ANKS1B: variants seen among roughly 807,000 people sequenced by gnomAD.
The protein encoded by ANKS1B is ankyrin repeat and sterile alpha motif domain containing 1B, also known as ankyrin repeat and sterile alpha motif domain-containing protein 1B.
ANKS1B carries 36 observed loss-of-function variants against 148.3 expected under a neutral mutation model. The ratio of observed to expected loss-of-function variants is 0.24; its 90% CI spans 0.19 to 0.32. The LOEUF (loss-of-function observed/expected upper bound fraction) is 0.32. Among genes scored for constraint, ANKS1B ranks in the 10% least tolerant of loss-of-function variants. The probability of loss-of-function intolerance (pLI) is 1.00; values close to 1 mark genes in which losing one functional copy is unlikely to be tolerated. For synonymous variants in ANKS1B, 542 were observed against 560.8 expected (o/e 0.97, Z 0.47); for missense variants, 1,157 against 1,542.6 (o/e 0.75, Z 4.19).
chr12:99,025,066 G>A (rs1329782826), intron 17 of ANKS1B, among the ~76,000 whole-genome samples: 1 of 152,094 alleles, frequency 6.6e-6, no homozygotes, highest in East Asian at 1.9e-4. Context: ...ATGGCATGTG[G>A]TACCCCCCTC....
At chr12:99,983,754 G>T (rs1320474135) in intron 1 of ANKS1B, among the ~76,000 whole-genome samples, 1 of 152,154 alleles carries the variant, frequency 6.6e-6, no homozygotes, top group Non-Finnish European at 1.5e-5. Flanking sequence ...AGACAAAAAA[G>T]GCTGCGTTCA....
At position 99,314,124 on chromosome 12, in the gene ANKS1B, T is replaced by C. The variant is rs372336399; in HGVS notation, c.1757-67260A>G. Among the ~76,000 whole-genome samples, 110 of 151,854 alleles carry C rather than the reference T, an allele frequency of 7.2e-4. 2 individuals are homozygous for C. In the South Asian group the frequency reaches 0.021, roughly 29 times the overall value. On this transcript the variant is annotated intron_variant, in intron 12 of 26. Transcript: ENST00000683438. ...CACAAGCATTCCTATACACCAACAATAGACAAGCAGAGAGCCAAATAATGA... is the reference window on the plus strand; with the variant it reads ...CACAAGCATTCCTATACACCAACAACAGACAAGCAGAGAGCCAAATAATGA...
rs1180410909 is a variant in ANKS1B at position 99,724,388 on chromosome 12, G to A, written c.1128+48534C>T. 5.9e-5 allele frequency among the ~76,000 whole-genome samples: 9 copies of A among 152,274 alleles called. No individual in the cohort carries two copies. The East Asian group carries it at 1.3e-3, about 23-fold the overall frequency. The stretch of plus-strand genomic sequence containing the variant: ...AAGTATCAATAGCCGAATCAACCAA[G>A]AGGAAGAAAGTATATCTGAGTTTGA... On this transcript the variant is annotated intron_variant, in intron 8 of 26. Transcript: ENST00000683438.
At position 99,764,713 on chromosome 12, in the gene ANKS1B, G is replaced by A. The variant is rs557036250; in HGVS notation, c.1128+8209C>T. On this transcript the variant is annotated intron_variant, in intron 8 of 26. Coordinates refer to ENST00000683438, the MANE Select transcript of ANKS1B (RefSeq NM_001352186.2). ...GCTGAGATTACAGGCATGCACCACC[G>A]TGCCTGGCCAAGAATAATCCATTTT... 3.9e-5 allele frequency among the ~76,000 whole-genome samples: 6 copies of A among 152,246 alleles called. No individual in the cohort carries two copies. The South Asian group carries it at 8.3e-4, about 21-fold the overall frequency.
At chr12:99,453,181 TC>T (rs2095785889) in intron 10 of ANKS1B, among the ~76,000 whole-genome samples, 1 of 152,004 alleles carries the variant, frequency 6.6e-6, no homozygotes, top group Non-Finnish European at 1.5e-5. Context: ...TCCCAGCTAC[TC>T]CGGAGGCTGA....
chr12:99,802,787 C>T (rs1233794787), intron 4 of ANKS1B, among the ~76,000 whole-genome samples: 1 of 151,860 alleles, frequency 6.6e-6, no homozygotes, highest in Non-Finnish European at 1.5e-5. Flanking sequence ...TCAGCACATG[C>T]CTATAGTCCC....
Position 99,497,752 on chromosome 12 carries a change from C to T in ANKS1B, c.1438+6724G>A, listed in dbSNP as rs140115748. ...AGGTTAGGATTCCAACCTTTCTTTT[C>T]GGGGGCATAATATGGGGGGGACACA... On this transcript the variant is annotated intron_variant, in intron 10 of 26. Transcript: ENST00000683438. 2.1e-4 allele frequency among the ~76,000 whole-genome samples: 32 copies of T among 150,780 alleles called. No homozygotes were observed. The East Asian group carries it at 4.1e-3, about 19-fold the overall frequency.
intron 9 of ANKS1B, among the ~76,000 whole-genome samples, chr12:99,549,969 T>C (rs957447912): frequency 6.6e-6 from 1 of 152,196 alleles, no homozygotes; most frequent in East Asian, 1.9e-4. Flanking sequence ...CGCTCGGACC[T>C]ATAATTACTC....
intron 1 of ANKS1B, among the ~76,000 whole-genome samples, chr12:99,844,017 T>C (rs1176797685): frequency 6.6e-6 from 1 of 152,148 alleles, no homozygotes; most frequent in Non-Finnish European, 1.5e-5. Flanking sequence ...TTGAGCTTTT[T>C]AAAAGTTTCT....
intron 17 of ANKS1B, among the ~76,000 whole-genome samples, chr12:98,935,532 G>T (rs1205065332): frequency 6.6e-6 from 1 of 152,198 alleles, no homozygotes; most frequent in Admixed American, 6.5e-5. Context: ...GTTTTTGGAA[G>T]AGTTTGAGAA....
intron 24 of ANKS1B, among the ~76,000 whole-genome samples, chr12:98,778,860 C>T (rs1394348018): frequency 2.6e-5 from 4 of 152,358 alleles, no homozygotes; most frequent in Non-Finnish European, 4.4e-5. Flanking sequence ...AACTACTAGA[C>T]TATTGCCCTG....
chr12:99,763,142 G>A (rs1207344989), intron 8 of ANKS1B, among the ~76,000 whole-genome samples: 1 of 152,102 alleles, frequency 6.6e-6, no homozygotes, highest in African/African-American at 2.4e-5. Flanking sequence ...CCATTACTGG[G>A]TGTATGACCA....
chr12:99,322,641 C>G (rs554679343), intron 12 of ANKS1B, among the ~76,000 whole-genome samples: 16 of 152,140 alleles, frequency 1.1e-4, no homozygotes, highest in Admixed American at 3.3e-4. Flanking sequence ...TATGAGAACC[C>G]TATGATTCAG....
chr12:99,738,002 G>A (rs1195687487), intron 8 of ANKS1B, among the ~76,000 whole-genome samples: 5 of 152,064 alleles, frequency 3.3e-5, no homozygotes, highest in Non-Finnish European at 7.4e-5. Context: ...ACTGCTACAT[G>A]CCAGCAATTG....
chr12:99,351,667 C>T (rs1281325468), intron 12 of ANKS1B, among the ~76,000 whole-genome samples: 3 of 152,006 alleles, frequency 2.0e-5, no homozygotes, highest in African/African-American at 7.2e-5. Flanking sequence ...AAAGAGCAAT[C>T]ACGGTATATG....
At chr12:99,037,299 G>A (rs937705135) in intron 17 of ANKS1B, among the ~76,000 whole-genome samples, 5 of 152,186 alleles carry the variant, frequency 3.3e-5, no homozygotes, top group Admixed American at 1.3e-4. Flanking sequence ...GGCAGATCAC[G>A]AGGTCAGGAG....
chr12:99,577,959 G>T (rs1229489872), intron 9 of ANKS1B, among the ~76,000 whole-genome samples: 8 of 152,080 alleles, frequency 5.3e-5, no homozygotes, highest in Non-Finnish European at 1.0e-4. Flanking sequence ...GAACATAGAT[G>T]TAAAAGTCCC....
At chr12:99,910,497 T>A (rs937673136) in intron 1 of ANKS1B, among the ~76,000 whole-genome samples, 7 of 151,434 alleles carry the variant, frequency 4.6e-5, no homozygotes, top group Non-Finnish European at 7.4e-5. Context: ...TTGTACAGAA[T>A]AGGCAAATCT....
At chr12:99,587,264 T>A (rs1220311167) in intron 9 of ANKS1B, among the ~76,000 whole-genome samples, 1 of 152,026 alleles carries the variant, frequency 6.6e-6, no homozygotes, top group Admixed American at 6.6e-5. Context: ...GGTGGAAGAG[T>A]GGAAGTCAGT....
Sources: gnomAD v4.1 joint callset for allele counts (sites outside exome capture counted in the v4.1 genomes callset) on GRCh38, gnomAD v4.1.1 for gene constraint, MANE v1.5 for transcripts, NCBI Gene and HGNC (gene_info 2026-07-23, HGNC 2026-07-21) for gene names.